The following PLXNA4 variants were observed in gnomAD, a reference collection of about 807,000 sequenced individuals.
PLXNA4 encodes the protein plexin-A4.
Under a neutral mutation model 191.8 loss-of-function variants are expected in PLXNA4, and 44 were observed. The observed-to-expected ratio is 0.23, with a 90% CI of 0.18 to 0.29. PLXNA4 has a LOEUF of 0.29. PLXNA4 is among the 10% of genes least tolerant of loss of function. PLXNA4 has a pLI of 1.00. For missense variants in PLXNA4, 1,800 were observed against 2,488.8 expected (o/e 0.72, Z 5.89); for synonymous variants, 1,082 against 1,009.5 (o/e 1.07, Z -1.36).
chr7:132,359,744 G>A (rs963104622), intron 3 of PLXNA4, among the ~76,000 whole-genome samples: 5 of 152,134 alleles, frequency 3.3e-5, no homozygotes, highest in African/African-American at 4.8e-5. Flanking sequence ...ATGTGTCTAC[G>A]TGTGTATGTC....
chr7:132,588,437 T>C (rs904940516), intron 2 of PLXNA4, among the ~76,000 whole-genome samples: 6 of 152,096 alleles, frequency 3.9e-5, no homozygotes, highest in African/African-American at 1.4e-4. Flanking sequence ...CCAATTATGC[T>C]TCCTCCTGTA....
At chr7:132,323,676 C>T (rs999385604) in intron 3 of PLXNA4, among the ~76,000 whole-genome samples, 1 of 152,150 alleles carries the variant, frequency 6.6e-6, no homozygotes, top group Non-Finnish European at 1.5e-5. Context: ...ACTATAATGT[C>T]GACTGTCCTT....
intron 20 of PLXNA4, among the ~76,000 whole-genome samples, chr7:132,178,865 C>G (rs1211373181): frequency 2.1e-5 from 3 of 144,136 alleles, no homozygotes; most frequent in African/African-American, 7.9e-5. Context: ...CACACACACA[C>G]ACACACACAG....
chr7:132,345,061 A>G (rs1447911653), intron 3 of PLXNA4, among the ~76,000 whole-genome samples: 8 of 152,242 alleles, frequency 5.3e-5, no homozygotes, highest in Admixed American at 4.6e-4. Context: ...GAATGCATAC[A>G]TACATTTTAG....
At chr7:132,161,756 C>A (rs147746997) in intron 24 of PLXNA4, among the ~76,000 whole-genome samples, 3 of 151,140 alleles carry the variant, frequency 2.0e-5, no homozygotes, top group East Asian at 1.9e-4. Flanking sequence ...GGGCACCTAG[C>A]GCTCTGGCAA....
chr7:132,409,667 C>T (rs980784537), intron 3 of PLXNA4, among the ~76,000 whole-genome samples: 5 of 152,186 alleles, frequency 3.3e-5, no homozygotes, highest in African/African-American at 7.2e-5. Flanking sequence ...CTGTATCTCT[C>T]CCCTGGACTT....
intron 2 of PLXNA4, among the ~76,000 whole-genome samples, chr7:132,610,943 C>T (rs1161983710): frequency 6.6e-6 from 1 of 152,194 alleles, no homozygotes; most frequent in African/African-American, 2.4e-5. Flanking sequence ...TGTCTGTCCC[C>T]ACAAGGAAGG....
intron 30 of PLXNA4, among the ~76,000 whole-genome samples, chr7:132,138,421 C>G (rs1795175229): frequency 6.6e-6 from 1 of 152,138 alleles, no homozygotes; most frequent in African/African-American, 2.4e-5. Context: ...GAGGTCTGCC[C>G]TGCCGGACTT....
chr7:132,421,117 G>A (rs1224305724), intron 3 of PLXNA4, among the ~76,000 whole-genome samples: 2 of 152,022 alleles, frequency 1.3e-5, no homozygotes, highest in East Asian at 3.9e-4. Context: ...CCCAGCTCTT[G>A]GCAACTACCA....
chr7:132,238,192 T>C (rs974955489), intron 5 of PLXNA4, among the ~76,000 whole-genome samples: 15 of 152,168 alleles, frequency 9.9e-5, no homozygotes, highest in African/African-American at 3.6e-4. Context: ...TCAAGCTTAA[T>C]GAATCTATTA....
chr7:132,647,451 TTACA>T (rs1159638004), intron 1 of PLXNA4, among the ~76,000 whole-genome samples: 1 of 151,014 alleles, frequency 6.6e-6, no homozygotes, highest in African/African-American at 2.4e-5. Flanking sequence ...ACTCACACAC[TTACA>T]TACACAGTCA....
At chr7:132,168,204 T>A (rs960191497) in intron 22 of PLXNA4, 100 bp downstream of exon 22, 23 of 1,396,140 alleles carry the variant, frequency 1.6e-5, no homozygotes, top group Non-Finnish European at 2.0e-5. Context: ...CTTGGGAACA[T>A]GGCTGCTCTC....
At chr7:132,338,034 A>G (rs568703399) in intron 3 of PLXNA4, among the ~76,000 whole-genome samples, 2 of 152,230 alleles carry the variant, frequency 1.3e-5, no homozygotes, top group East Asian at 3.9e-4. Flanking sequence ...TACACTGTAG[A>G]GCGCTGTTAT....
At chr7:132,573,505 G>A (rs112325338) in intron 1 of PLXNA4, among the ~76,000 whole-genome samples, 86 of 152,296 alleles carry the variant, frequency 5.6e-4, no homozygotes, top group African/African-American at 1.9e-3. Flanking sequence ...CTTCGGGACT[G>A]CTGCCATCCT....
intron 3 of PLXNA4, among the ~76,000 whole-genome samples, chr7:132,371,477 A>T (rs1804437351): frequency 6.6e-6 from 1 of 152,158 alleles, no homozygotes; most frequent in Non-Finnish European, 1.5e-5. Context: ...AGTACCGCTT[A>T]GATGTAGGAG....
intron 24 of PLXNA4, 30 bp from the exon 25 acceptor site, chr7:132,159,662 T>C: frequency 6.2e-7 from 1 of 1,611,692 alleles, no homozygotes; most frequent in Non-Finnish European, 8.5e-7. Context: ...AGGAAGCATA[T>C]GAAATGGGGT....
chr7:132,348,025 C>T (rs1803319095), intron 3 of PLXNA4, among the ~76,000 whole-genome samples: 1 of 152,160 alleles, frequency 6.6e-6, no homozygotes, highest in Non-Finnish European at 1.5e-5. Flanking sequence ...ATTTGCCTCC[C>T]AGTTGCTCCT....
intron 5 of PLXNA4, among the ~76,000 whole-genome samples, chr7:132,238,501 C>T (rs536793837): frequency 3.9e-5 from 6 of 152,290 alleles, no homozygotes; most frequent in Non-Finnish European, 7.4e-5. Context: ...TGCTTCAATG[C>T]GCTGGCTCCA....
chr7:132,244,946 C>T (rs1003511507), intron 4 of PLXNA4, among the ~76,000 whole-genome samples: 2 of 152,180 alleles, frequency 1.3e-5, no homozygotes, highest in Non-Finnish European at 2.9e-5. Context: ...TCTGAGCCAC[C>T]TTGTCTCTAT....
Sources: gnomAD v4.1 joint callset for allele counts (sites outside exome capture counted in the v4.1 genomes callset) on GRCh38, gnomAD v4.1.1 for gene constraint, MANE v1.5 for transcripts, NCBI Gene and HGNC (gene_info 2026-07-23, HGNC 2026-07-21) for gene names.